The following COMMD10 variants were observed in gnomAD, a reference collection of about 807,000 sequenced individuals.
The protein encoded by COMMD10 is COMM domain containing 10, also known as COMM domain-containing protein 10.
A neutral mutation model predicts 28.9 loss-of-function variants in COMMD10; 33 were observed. The observed-to-expected ratio is 1.14, with a 90% confidence interval of 0.87 to 1.53. The LOEUF is 1.53. Among genes scored for constraint, COMMD10 ranks in the 40% most tolerant of loss-of-function variants. COMMD10 has a pLI of 0.00. For missense variants in COMMD10, 310 were observed against 233.4 expected (o/e 1.33, Z -2.14); for synonymous variants, 110 against 81.7 (o/e 1.35, Z -1.87).
intron 5 of COMMD10, among the ~76,000 whole-genome samples, chr5:116,221,547 C>G (rs144425087): frequency 6.6e-6 from 1 of 152,104 alleles, no homozygotes; most frequent in African/African-American, 2.4e-5. Context: ...GTTACAGAAC[C>G]CTGGTGAGAG....
chr5:116,219,672 G>T (rs1310942811), intron 5 of COMMD10, among the ~76,000 whole-genome samples: 2 of 152,152 alleles, frequency 1.3e-5, no homozygotes, highest in Non-Finnish European at 2.9e-5. Context: ...TTTGGACTTT[G>T]TGAGGGAATA....
rs1750477652 is a variant in COMMD10, at chr5:116,262,561, T to C, written c.511-28956T>C. Reference sequence around the variant, plus strand: ...TGAAGATTGAATTTAGGGCCAGTTTTTTCAAGTACATTAATTATGTTTAAA... The same window carrying C: ...TGAAGATTGAATTTAGGGCCAGTTTCTTCAAGTACATTAATTATGTTTAAA... On this transcript the variant is annotated intron_variant, in intron 5 of 6. Transcript: ENST00000274458. Among the ~76,000 whole-genome samples the C allele has an allele frequency of 2.0e-5, 3 of 151,844 alleles. 1 individual carries two copies. The highest frequency in any genetic ancestry group is 7.3e-5 in the African/African-American group (3 of 41,212).
At chr5:116,136,061 T>C (rs1580477796) in intron 5 of COMMD10, among the ~76,000 whole-genome samples, 1 of 152,322 alleles carries the variant, frequency 6.6e-6, no homozygotes, top group East Asian at 1.9e-4. Flanking sequence ...TCAATAAAAC[T>C]TTTTTGTTTT....
At position 116,270,206 on chromosome 5, in the gene COMMD10, G is replaced by A. The variant is rs532450906; in HGVS notation, c.511-21311G>A. ...GATGAATGGCAGACTTTAACTGGAT[G>A]CTTTATTTAGGCTTTTCGAAAGCAA... On this transcript the variant is annotated intron_variant, in intron 5 of 6. Transcript: ENST00000274458. Among the ~76,000 whole-genome samples the A allele has an allele frequency of 2.6e-5, 4 of 151,994 alleles. No individual in the cohort carries two copies. The East Asian group carries it at 7.7e-4, about 29-fold the overall frequency.
chr5:116,225,342 G>GT (rs1749364022), intron 5 of COMMD10, among the ~76,000 whole-genome samples: 4 of 72,518 alleles, frequency 5.5e-5, no homozygotes, highest in African/African-American at 1.1e-4. Flanking sequence ...TTTCCTGTTT[G>GT]TTTTTTTGGG....
Position 116,184,280 on chromosome 5 carries a change from C to T in COMMD10, c.510+50102C>T, listed in dbSNP as rs148337565. ...TGTTCACTCCCTAATTATGTATTTA[C>T]ATTTTCTTTATTTTTCTTAACTATA... is the stretch of plus-strand genomic sequence containing the variant. On this transcript the variant is annotated intron_variant, in intron 5 of 6. Coordinates refer to ENST00000274458, the MANE Select transcript of COMMD10 (RefSeq NM_016144.4). Among the ~76,000 whole-genome samples the T allele has an allele frequency of 1.3e-3, 191 of 148,350 alleles. 2 individuals carry two copies. The highest frequency in any genetic ancestry group is 4.2e-3 in the African/African-American group (168 of 40,192).
chr5:116,196,705 T>C (rs78973250), intron 5 of COMMD10, among the ~76,000 whole-genome samples: 3,851 of 151,708 alleles, frequency 0.025, 153 homozygotes, highest in African/African-American at 0.085. Context: ...TCCCTTATGC[T>C]GTTAGTCACA....
intron 4 of COMMD10, among the ~76,000 whole-genome samples, chr5:116,104,752 T>C (rs1750784368): frequency 6.6e-6 from 1 of 152,124 alleles, no homozygotes; most frequent in South Asian, 2.1e-4. Context: ...CCCTAGTAGC[T>C]GGGACTACAG....
intron 4 of COMMD10, among the ~76,000 whole-genome samples, chr5:116,125,131 G>T (rs548154995): frequency 1.3e-5 from 2 of 152,250 alleles, no homozygotes; most frequent in African/African-American, 4.8e-5. Flanking sequence ...GTTAGTTGAT[G>T]CAGTTTCTTC....
chr5:116,097,538 G>A (rs760984602), intron 4 of COMMD10, among the ~76,000 whole-genome samples: 2 of 152,250 alleles, frequency 1.3e-5, no homozygotes, highest in Non-Finnish European at 1.5e-5. Context: ...TGTTAGCTGC[G>A]GAATTTTTCT....
At chr5:116,259,080 T>G (rs1750368848) in intron 5 of COMMD10, among the ~76,000 whole-genome samples, 1 of 149,998 alleles carries the variant, frequency 6.7e-6, no homozygotes, top group Non-Finnish European at 1.5e-5. Context: ...TTTTTTTTTT[T>G]TCCTGAGAGT....
intron 4 of COMMD10, among the ~76,000 whole-genome samples, chr5:116,117,320 A>G (rs1208471198): frequency 6.6e-6 from 1 of 152,168 alleles, no homozygotes; most frequent in Non-Finnish European, 1.5e-5. Context: ...CCCAAGCCAA[A>G]AAGTCTGAGA....
At chr5:116,282,161 G>C (rs1368082241) in intron 5 of COMMD10, among the ~76,000 whole-genome samples, 3 of 151,762 alleles carry the variant, frequency 2.0e-5, no homozygotes, top group Non-Finnish European at 4.4e-5. Context: ...CATCCCTCCA[G>C]CTTCTGCCAG....
intron 4 of COMMD10, among the ~76,000 whole-genome samples, chr5:116,123,326 T>A (rs1244714346): frequency 6.6e-6 from 1 of 152,154 alleles, no homozygotes; most frequent in Non-Finnish European, 1.5e-5. Flanking sequence ...ACTGAGATAA[T>A]CATGTGGTTT....
At chr5:116,139,657 C>T (rs1368145194) in intron 5 of COMMD10, among the ~76,000 whole-genome samples, 2 of 151,334 alleles carry the variant, frequency 1.3e-5, no homozygotes, top group Non-Finnish European at 3.0e-5. Flanking sequence ...CTAAAGCATA[C>T]TTTCTCACCC....
At chr5:116,178,912 T>C (rs1425264276) in intron 5 of COMMD10, among the ~76,000 whole-genome samples, 1 of 152,124 alleles carries the variant, frequency 6.6e-6, no homozygotes. Context: ...AATTATTCAA[T>C]TACATTAGAT....
intron 5 of COMMD10, among the ~76,000 whole-genome samples, chr5:116,159,410 G>A (rs2112564861): frequency 6.6e-6 from 1 of 152,204 alleles, no homozygotes; most frequent in South Asian, 2.1e-4. Context: ...CCTTCTGTTA[G>A]GTCTCTACTC....
rs56347457 is a variant in COMMD10 at position 116,278,133 on chromosome 5, C to T, written c.511-13384C>T. Among the ~76,000 whole-genome samples, 443 of 151,832 alleles carry T rather than the reference C, an allele frequency of 2.9e-3. 5 individuals carry two copies. Among genetic ancestry groups the T allele is most frequent in the Non-Finnish European group, 4.0e-3 (274 of 67,958 alleles). ...TGATGTTTCAGTCATCAGATATGTACTTATCCTTAGAATAAATTATAAATA... is the reference window on the plus strand; with the variant it reads ...TGATGTTTCAGTCATCAGATATGTATTTATCCTTAGAATAAATTATAAATA... On this transcript the variant is annotated intron_variant, in intron 5 of 6. Transcript: ENST00000274458.
chr5:116,174,014 C>T (rs1113909), intron 5 of COMMD10, among the ~76,000 whole-genome samples: 47,114 of 151,818 alleles, frequency 0.31, 10,217 homozygotes, highest in African/African-American at 0.62. Flanking sequence ...TTAGAGCATT[C>T]ATTCTAATAA....
Sources: allele counts gnomAD v4.1 joint callset (sites outside exome capture counted in the v4.1 genomes callset), GRCh38; gene constraint gnomAD v4.1.1; transcripts MANE v1.5; gene names NCBI Gene and HGNC (gene_info 2026-07-23, HGNC 2026-07-21).